The following UBE2R2 variants were observed in gnomAD, a reference collection of about 807,000 sequenced individuals.
The protein encoded by UBE2R2 is ubiquitin-conjugating enzyme E2 R2.
Under a neutral mutation model 27.8 loss-of-function variants are expected in UBE2R2, and 1 was observed. The ratio of observed to expected loss-of-function variants is 0.04; its 90% CI spans 0.01 to 0.17. The LOEUF is 0.17. UBE2R2 is among the 10% of genes least tolerant of loss of function. The pLI, the probability that UBE2R2 is intolerant of heterozygous loss-of-function variation, is 1.00. For missense variants in UBE2R2, 100 were observed against 291.0 expected (o/e 0.34, Z 4.78); for synonymous variants, 106 against 113.3 (o/e 0.94, Z 0.41).
chr9:33,860,106 CTT>C (rs10606799), intron 1 of UBE2R2, among the ~76,000 whole-genome samples: 29,238 of 148,306 alleles, frequency 0.2, 3,074 homozygotes, highest in South Asian at 0.33. Context: ...CTTGCCTGCC[CTT>C]TTTTTTTTTT....
chr9:33,913,021 T>C (rs527244090), intron 4 of UBE2R2, among the ~76,000 whole-genome samples: 1 of 152,016 alleles, frequency 6.6e-6, no homozygotes, highest in Admixed American at 6.6e-5. Flanking sequence ...AGTGCAGTGG[T>C]GTGATCTCGG....
chr9:33,853,494 AG>A (rs1183179262), intron 1 of UBE2R2, among the ~76,000 whole-genome samples: 1 of 152,050 alleles, frequency 6.6e-6, no homozygotes, highest in Non-Finnish European at 1.5e-5. Flanking sequence ...CTTGTTGGTC[AG>A]GCTGGTCTCG....
At chr9:33,892,441 G>C (rs1293972344) in intron 2 of UBE2R2, among the ~76,000 whole-genome samples, 1 of 152,120 alleles carries the variant, frequency 6.6e-6, no homozygotes, top group Admixed American at 6.6e-5. Context: ...ACAAAATTGA[G>C]GGGAAAGTTC....
At chr9:33,834,115 A>G (rs768407903) in intron 1 of UBE2R2, among the ~76,000 whole-genome samples, 1 of 151,278 alleles carries the variant, frequency 6.6e-6, no homozygotes, top group Non-Finnish European at 1.5e-5. Context: ...TAGACTCTAG[A>G]GTCCCACAGT....
intron 1 of UBE2R2, among the ~76,000 whole-genome samples, chr9:33,865,561 TCTA>T (rs1173616374): frequency 1.3e-5 from 2 of 152,218 alleles, no homozygotes; most frequent in Non-Finnish European, 2.9e-5. Flanking sequence ...CTATCATACT[TCTA>T]CTGTGGAAGA....
At chr9:33,845,537 C>T (rs891815051) in intron 1 of UBE2R2, among the ~76,000 whole-genome samples, 21 of 152,020 alleles carry the variant, frequency 1.4e-4, no homozygotes, top group Non-Finnish European at 2.4e-4. Flanking sequence ...CGTGAGCCAC[C>T]GCACCCAGCT....
chr9:33,832,193 A>G (rs759407885), intron 1 of UBE2R2, among the ~76,000 whole-genome samples: 26 of 151,856 alleles, frequency 1.7e-4, no homozygotes, highest in Middle Eastern at 3.4e-3. Flanking sequence ...CTGTAATCCC[A>G]GCTACTTCAG....
chr9:33,916,868 T>C, intron 4 of UBE2R2, 150 bp from the exon 5 acceptor site: 1 of 1,256,234 alleles, frequency 8.0e-7, no homozygotes, highest in South Asian at 1.6e-5. Flanking sequence ...AAGCATTTGG[T>C]GTAGTACAGG....
intron 3 of UBE2R2, 100 bp downstream of exon 3, chr9:33,900,371 A>G (rs1205876698): frequency 5.0e-6 from 4 of 806,660 alleles, no homozygotes; most frequent in Non-Finnish European, 7.8e-6. Context: ...GTAAAAAATC[A>G]TCTTTCTTAT....
chr9:33,890,793 G>A (rs1195105363), intron 2 of UBE2R2, among the ~76,000 whole-genome samples: 1 of 152,188 alleles, frequency 6.6e-6, no homozygotes, highest in Non-Finnish European at 1.5e-5. Context: ...CTGGGCGACA[G>A]AGCAAGACTC....
intron 4 of UBE2R2, among the ~76,000 whole-genome samples, chr9:33,914,012 A>C (rs1229540329): frequency 2.6e-5 from 4 of 152,220 alleles, no homozygotes; most frequent in African/African-American, 9.6e-5. Context: ...CATATTCCCA[A>C]GGTACTTCTA....
chr9:33,897,475 G>A (rs1385476246), intron 2 of UBE2R2, among the ~76,000 whole-genome samples: 41 of 151,266 alleles, frequency 2.7e-4, no homozygotes, highest in Non-Finnish European at 4.0e-4. Context: ...GTGCCACCAC[G>A]CCCGGCTAAT....
intron 2 of UBE2R2, among the ~76,000 whole-genome samples, chr9:33,897,024 A>ATTTTTTTTTTTTTT (rs749987839): frequency 2.5e-5 from 1 of 40,596 alleles, no homozygotes; most frequent in African/African-American, 1.0e-4. Context: ...CTGTGGCCTA[A>ATTTTTTTTTTTTTT]TTTTTTTTTT....
intron 1 of UBE2R2, among the ~76,000 whole-genome samples, chr9:33,821,785 C>G (rs1159303739): frequency 6.6e-6 from 1 of 151,392 alleles, no homozygotes; most frequent in African/African-American, 2.4e-5. Context: ...CTGGCTAATT[C>G]TTTTTGTATT....
intron 1 of UBE2R2, among the ~76,000 whole-genome samples, chr9:33,883,408 C>T (rs1049518104): frequency 5.9e-5 from 9 of 152,188 alleles, no homozygotes; most frequent in African/African-American, 1.4e-4. Context: ...TTCCACTACT[C>T]CCCCTTAAAA....
intron 1 of UBE2R2, among the ~76,000 whole-genome samples, chr9:33,871,212 T>G (rs1206019179): frequency 6.6e-6 from 1 of 152,252 alleles, no homozygotes; most frequent in Non-Finnish European, 1.5e-5. Flanking sequence ...TGTCTTTTAA[T>G]TAAAACATAG....
chr9:33,914,050 G>T (rs556457233), intron 4 of UBE2R2, among the ~76,000 whole-genome samples: 1 of 152,130 alleles, frequency 6.6e-6, no homozygotes, highest in Non-Finnish European at 1.5e-5. Context: ...TTAAGGGTCC[G>T]TTTATCTCAT....
chr9:33,821,113 A>G (rs1392308206), intron 1 of UBE2R2, among the ~76,000 whole-genome samples: 1 of 152,214 alleles, frequency 6.6e-6, no homozygotes, highest in East Asian at 1.9e-4. Flanking sequence ...ATTGTGGATC[A>G]AGTCAGTAGC....
intron 1 of UBE2R2, among the ~76,000 whole-genome samples, chr9:33,850,385 C>T (rs920178930): frequency 3.9e-5 from 6 of 152,198 alleles, no homozygotes; most frequent in East Asian, 3.9e-4. Context: ...AGAGACTGGG[C>T]GTGAGGCTGC....
Sources: gnomAD v4.1 joint callset for allele counts (sites outside exome capture counted in the v4.1 genomes callset) on GRCh38, gnomAD v4.1.1 for gene constraint, MANE v1.5 for transcripts, NCBI Gene and HGNC (gene_info 2026-07-23, HGNC 2026-07-21) for gene names.